The following PLCD4 variants were observed in gnomAD, a reference collection of about 807,000 sequenced individuals.
The protein encoded by PLCD4 is phospholipase C delta 4.
In PLCD4, 63 loss-of-function variants were observed where a neutral mutation model predicts 90.2. The observed-to-expected ratio is 0.70, with a 90% CI of 0.57 to 0.86. The LOEUF is 0.86. PLCD4 is among the 40% of genes least tolerant of loss of function. PLCD4 has a pLI of 0.00. For synonymous variants in PLCD4, 294 were observed against 356.5 expected (o/e 0.82, Z 1.97); for missense variants, 830 against 956.3 (o/e 0.87, Z 1.74).
rs757859231 is a variant in PLCD4 at position 218,635,830 on chromosome 2, A to G, written c.1931A>G (p.Lys644Arg). 1.9e-6 allele frequency: 3 copies of G among 1,613,710 alleles called. No homozygotes were observed. The highest frequency in any genetic ancestry group is 2.2e-5 in the East Asian group (1 of 44,892). The change falls in exon 14 of 16, where the codon AAG becomes AGG. Residue 644 changes from lysine (K) to arginine (R), a missense_variant. Coordinates refer to ENST00000450993, the MANE Select transcript of PLCD4 (RefSeq NM_032726.4). The stretch of plus-strand genomic sequence containing the variant: ...GGTCAGCAACTCCCCAAAGTGGACA[A>G]GACCAAAGAGGGGTCCATTGTGGAT... Reference protein sequence around the residue: ...ISGQQLPKVDKTKEGSIVDPL... With the variant: ...ISGQQLPKVDRTKEGSIVDPL...
rs778915434 is a variant in PLCD4, at chr2:218,633,759, C to T, written c.1604C>T (p.Ala535Val). 3.7e-6 allele frequency: 6 copies of T among 1,613,662 alleles called. No homozygotes were observed. In the Admixed American group the frequency reaches 5.0e-5, roughly 13 times the overall value. ...ETKAKRLIKEAGNEFVQHNTW... is the reference protein window; with the variant it reads ...ETKAKRLIKEVGNEFVQHNTW... Reference sequence around the variant, plus strand: ...AAGGCCAAGCGCCTCATCAAGGAGGCTGGTCAGGACCAAAATGGAGGGATG... The same window carrying T: ...AAGGCCAAGCGCCTCATCAAGGAGGTTGGTCAGGACCAAAATGGAGGGATG... The change falls in exon 11 of 16, where the codon GCT becomes GTT. Residue 535 changes from alanine to valine, a missense_variant and splice_region_variant. Physicochemically the swap from Ala to Val is moderately conservative, Grantham distance 64. Coordinates refer to ENST00000450993, the MANE Select transcript of PLCD4 (RefSeq NM_032726.4).
chr2:218,619,028 A>G (rs1387964930), intron 4 of PLCD4: 23 of 575,030 alleles, frequency 4.0e-5, no homozygotes, highest in Non-Finnish European at 6.2e-5. Flanking sequence ...CAGGACCCCC[A>G]GGATTGGAGG....
rs1021650101 is a variant in PLCD4 at position 218,630,595 on chromosome 2, G to A, written c.1120-55G>A. On this transcript the variant is annotated intron_variant, in intron 8 of 15. Transcript: ENST00000450993. The stretch of plus-strand genomic sequence containing the variant: ...GCCTAGGAAGCGGGTACTTGAAGAA[G>A]TAGGTTGCAGTGTTTTAGAACTCTG... 2.5e-6 allele frequency: 4 copies of A among 1,608,122 alleles called. No homozygotes were observed. In the African/African-American group the frequency reaches 4.0e-5, roughly 16 times the overall value.
chr2:218,615,576 T>C (rs1454538245), intron 1 of PLCD4, 131 bp from the exon 2 acceptor site: 8 of 646,492 alleles, frequency 1.2e-5, no homozygotes, highest in African/African-American at 1.8e-5. Flanking sequence ...CTGATCCTTA[T>C]GTGATTTGAG....
At chr2:218,614,188 T>G (rs898341422) in intron 1 of PLCD4, among the ~76,000 whole-genome samples, 5 of 151,426 alleles carry the variant, frequency 3.3e-5, no homozygotes, top group Non-Finnish European at 7.4e-5. Context: ...CCCGGCTAAT[T>G]TTTTGTATTT....
intron 8 of PLCD4, 47 bp from the exon 9 acceptor site, chr2:218,630,603 C>G (rs1314763147): frequency 5.6e-6 from 9 of 1,611,720 alleles, no homozygotes; most frequent in Non-Finnish European, 6.8e-6. Flanking sequence ...AAGTAGGTTG[C>G]AGTGTTTTAG....
chr2:218,626,706 A>G (rs747070031), intron 6 of PLCD4, among the ~76,000 whole-genome samples: 1 of 152,130 alleles, frequency 6.6e-6, no homozygotes, highest in Non-Finnish European at 1.5e-5. Context: ...CCTTTTCTCA[A>G]TGGGAGTGTA....
intron 1 of PLCD4, among the ~76,000 whole-genome samples, chr2:218,608,939 C>G (rs1364359760): frequency 6.6e-6 from 1 of 151,946 alleles, no homozygotes; most frequent in East Asian, 1.9e-4. Context: ...GAGATTGAGA[C>G]CATCCTGGCT....
At chr2:218,635,069 T>C (rs970906049) in intron 13 of PLCD4, among the ~76,000 whole-genome samples, 5 of 151,872 alleles carry the variant, frequency 3.3e-5, no homozygotes, top group African/African-American at 7.3e-5. Flanking sequence ...CAACAAAAAA[T>C]TTAAAAATTT....
rs544542572 is a variant in PLCD4 at position 218,622,587 on chromosome 2, T to G, written c.541-60T>G. 8.5e-6 allele frequency: 11 copies of G among 1,296,484 alleles called. No individual in the cohort carries two copies. The South Asian group carries it at 1.6e-4, about 19-fold the overall frequency. The allele number at this position is 1,296,484 out of a possible 1,614,324, so 80.3% of individuals were successfully genotyped here. ...AAATTTAAAAAAAAATTTTTTTAAT[T>G]AAAAAGATAACATTTCCCATTAAAA... On this transcript the variant is annotated intron_variant, in intron 5 of 15. Transcript: ENST00000450993.
intron 1 of PLCD4, among the ~76,000 whole-genome samples, chr2:218,612,468 C>T (rs1218885685): frequency 6.6e-6 from 1 of 152,232 alleles, no homozygotes; most frequent in African/African-American, 2.4e-5. Flanking sequence ...CTATACATTA[C>T]TACCCATTTA....
In PLCD4 at chr2:218,635,872, A is replaced by C. The variant is rs1295749346; in HGVS notation, c.1973A>C (p.Gln658Pro). 1 of 1,614,032 alleles carries C rather than the reference A, an allele frequency of 6.2e-7. No individual in the cohort carries two copies. Among genetic ancestry groups the C allele is most frequent in the Admixed American group, 1.7e-5 (1 of 60,022 alleles). ...ATTGTGGATCCACTGGTGAAAGTGC[A>C]GATCTTTGGCGTTCGTCTAGACACA... ...GSIVDPLVKV[Q>P]IFGVRLDTAR... is the part of the protein sequence containing the mutation. The change falls in exon 14 of 16, where the codon CAG becomes CCG. Residue 658 changes from glutamine (Q) to proline (P), a missense_variant. By Grantham distance (76) the Gln-to-Pro change is moderately conservative. Coordinates refer to ENST00000450993, the MANE Select transcript of PLCD4 (RefSeq NM_032726.4).
In PLCD4 at chr2:218,634,291, T is replaced by C; in HGVS notation, c.1723+70T>C. ...AGGTGGGAAATAAGTTCTCTAGTGATGGTAGGGTTGGGGAATGCTCAAGAA... is the reference window on the plus strand; with the variant it reads ...AGGTGGGAAATAAGTTCTCTAGTGACGGTAGGGTTGGGGAATGCTCAAGAA... On this transcript the variant is annotated intron_variant, in intron 12 of 15. Transcript: ENST00000450993. This position sits in a 1 kb window ranked among gnomAD's most constrained non-coding sequence, Gnocchi z 4.0. The C allele has an allele frequency of 1.3e-6, 2 of 1,573,454 alleles. No individual in the cohort carries two copies. The highest frequency in any genetic ancestry group is 2.3e-5 in the South Asian group (2 of 86,694).
At chr2:218,635,527 T>G (rs745368762) in intron 13 of PLCD4, among the ~76,000 whole-genome samples, 2 of 151,986 alleles carry the variant, frequency 1.3e-5, no homozygotes, top group Admixed American at 6.6e-5. Flanking sequence ...TTAGTAGAGA[T>G]AGGGTTTCAC....
In PLCD4 at chr2:218,615,747, C is replaced by T. The variant is rs2106122725; in HGVS notation, c.8C>T (p.Ser3Phe). ...CTGGTGGAACAGTGGGTGATGGCGT[C>T]CCTGCTGCAAGACCGTGAGTGCCGG... MASLLQDQLTTDQ... is the reference protein window; with the variant it reads MAFLLQDQLTTDQ... Residue 3 changes from serine to phenylalanine, a missense_variant, in exon 2 of 16, where the codon TCC becomes TTC. By Grantham distance (155) the Ser-to-Phe change is radical (BLOSUM62 -2). Transcript: ENST00000450993. The T allele has an allele frequency of 1.2e-6, 2 of 1,606,958 alleles. No homozygotes were observed. Among genetic ancestry groups the T allele is most frequent in the East Asian group, 2.2e-5 (1 of 44,846 alleles).
intron 1 of PLCD4, among the ~76,000 whole-genome samples, chr2:218,614,727 AG>A (rs1048928371): frequency 1.3e-5 from 2 of 152,208 alleles, no homozygotes; most frequent in South Asian, 4.2e-4. Context: ...CTGGGATTAC[AG>A]GCGTGAGCCA....
rs1237290739 is a variant in PLCD4, at chr2:218,618,804, A to G, written c.407A>G (p.Asp136Gly). The change falls in exon 4 of 16, where the codon GAC (aspartate) becomes GGC (glycine). Residue 136 changes from aspartate to glycine, a missense_variant. Transcript: ENST00000450993. Reference sequence around the variant, plus strand: ...AGCATGGACCATCAGGAGCGCCTGGACCAGTATCGGCAGGATGGAGTCAGG... The same window carrying G: ...AGCATGGACCATCAGGAGCGCCTGGGCCAGTATCGGCAGGATGGAGTCAGG... ...VTSMDHQERL[D>G]QWLSDWFQRG... 1.3e-6 allele frequency: 2 copies of G among 1,582,836 alleles called. No individual in the cohort carries two copies. Among genetic ancestry groups the G allele is most frequent in the Non-Finnish European group, 1.7e-6 (2 of 1,164,062 alleles).
intron 1 of PLCD4, among the ~76,000 whole-genome samples, chr2:218,613,392 CAAAAAAAA>C (rs36096465): frequency 2.6e-5 from 2 of 76,772 alleles, no homozygotes; most frequent in African/African-American, 1.1e-4. Context: ...AGTCTGTCTC[CAAAAAAAA>C]AAAAAAAAAA....
At chr2:218,624,816 G>A (rs575695695) in intron 6 of PLCD4, among the ~76,000 whole-genome samples, 11 of 151,684 alleles carry the variant, frequency 7.3e-5, no homozygotes, top group African/African-American at 2.7e-4. Flanking sequence ...AAGTTTAAGA[G>A]ATAGAATCTC....
Sources: gnomAD v4.1 joint callset for allele counts (sites outside exome capture counted in the v4.1 genomes callset) on GRCh38, gnomAD v4.1.1 for gene constraint, Gnocchi (gnomAD v3.1) non-coding constraint, MANE v1.5 for transcripts, NCBI Gene and HGNC (gene_info 2026-07-23, HGNC 2026-07-21) for gene names.